Variants in DMD observed in about 807,000 individuals in gnomAD.
DMD encodes mutant dystrophin.
Under a neutral mutation model 330.1 loss-of-function variants are expected in DMD, and 63 were observed. That is an observed-to-expected ratio of 0.19 (90% CI 0.16 to 0.24). The LOEUF is 0.24. Ranked by LOEUF, DMD falls within the 10% of genes least tolerant of loss-of-function variation. The pLI is 1.00. For synonymous variants in DMD, 1,223 were observed against 959.8 expected (o/e 1.27, Z -5.07); for missense variants, 3,344 against 2,684.1 (o/e 1.25, Z -5.43).
intron 52 of DMD, among the ~76,000 whole-genome samples, chrX:31,687,974 TC>T (rs1368432326): frequency 9.0e-6 from 1 of 111,315 alleles, no homozygotes; most frequent in African/African-American, 3.3e-5. Context: ...CAACTTTCTA[TC>T]CCTATCTCTT....
intron 59 of DMD, among the ~76,000 whole-genome samples, chrX:31,451,280 C>CTT (rs58331900): frequency 1.9e-5 from 1 of 53,120 alleles, no homozygotes; most frequent in African/African-American, 7.1e-5. Context: ...CCTTTCTTTC[C>CTT]TTTTTTTTTT....
At chrX:32,466,714 T>C (rs1378749178) in intron 23 of DMD, among the ~76,000 whole-genome samples, 1 of 110,960 alleles carries the variant, frequency 9.0e-6, no homozygotes, top group Non-Finnish European at 1.9e-5. Context: ...AAATTGACAC[T>C]AGATGATGTT....
At chrX:33,178,720 G>T (rs191471182) in intron 1 of DMD, among the ~76,000 whole-genome samples, 17 of 112,549 alleles carry the variant, frequency 1.5e-4, no homozygotes, top group African/African-American at 5.2e-4. Context: ...AATTAAATTG[G>T]ACTGCTCTGC....
intron 55 of DMD, among the ~76,000 whole-genome samples, chrX:31,600,967 T>C (rs1355834074): frequency 9.1e-6 from 1 of 110,438 alleles, no homozygotes; most frequent in East Asian, 2.8e-4. Context: ...TAGTGCCTTG[T>C]AAATAAAGAC....
intron 57 of DMD, among the ~76,000 whole-genome samples, chrX:31,483,198 C>A (rs748717579): frequency 1.1e-4 from 12 of 108,538 alleles, no homozygotes; most frequent in South Asian, 8.3e-4. Context: ...AGGCGCCCGC[C>A]ACCACGCCCA....
At chrX:32,924,742 G>A (rs73219755) in intron 2 of DMD, among the ~76,000 whole-genome samples, 1,350 of 111,034 alleles carry the variant, frequency 0.012, 9 homozygotes, top group South Asian at 0.038. Context: ...TCTGATGAGT[G>A]GATATGAATA....
chrX:32,758,396 C>A (rs1309018933), intron 7 of DMD, among the ~76,000 whole-genome samples: 1 of 111,532 alleles, frequency 9.0e-6, no homozygotes, highest in Non-Finnish European at 1.9e-5. Context: ...CTCCTCCCTG[C>A]GTGTTGCTAC....
chrX:31,798,499 A>G (rs186821853), intron 50 of DMD, among the ~76,000 whole-genome samples: 30 of 110,446 alleles, frequency 2.7e-4, no homozygotes, highest in Admixed American at 2.4e-3. Context: ...ATAAAGAGGA[A>G]TAAACCCTAA....
intron 50 of DMD, among the ~76,000 whole-genome samples, chrX:31,814,017 C>T (rs746820073): frequency 2.7e-5 from 3 of 110,802 alleles, no homozygotes; most frequent in African/African-American, 6.6e-5. Context: ...TATCTAGTAT[C>T]GGTCCTTTGC....
At chrX:32,167,222 G>A (rs190030855) in intron 44 of DMD, among the ~76,000 whole-genome samples, 201 of 112,590 alleles carry the variant, frequency 1.8e-3, no homozygotes, top group Non-Finnish European at 3.1e-3. Flanking sequence ...ACGAGCTGAA[G>A]TATAGTGTAA....
rs754368289 is a variant in DMD, at chrX:32,910,537, C to T, written c.94-60717G>A. The stretch of plus-strand genomic sequence containing the variant: ...TCCGCCTCCCAATTCTCCTGCCAAG[C>T]GATTCTCCTGCCTCAGCCTCCTGAG... On this transcript the variant is annotated intron_variant, in intron 2 of 78. Transcript: ENST00000357033. Among the ~76,000 whole-genome samples the T allele has an allele frequency of 1.1e-3, 122 of 110,985 alleles. 1 individual carries two copies. The highest frequency in any genetic ancestry group is 3.8e-3 in the African/African-American group (117 of 30,545).
chrX:32,836,363 T>C (rs902739953), intron 4 of DMD, among the ~76,000 whole-genome samples: 1 of 111,114 alleles, frequency 9.0e-6, no homozygotes, highest in Non-Finnish European at 1.9e-5. Flanking sequence ...AACATATATG[T>C]ATTTCTGTGT....
chrX:33,137,113 G>T (rs919113299), intron 1 of DMD, among the ~76,000 whole-genome samples: 10 of 110,533 alleles, frequency 9.0e-5, no homozygotes, highest in African/African-American at 3.0e-4. Flanking sequence ...GTTATGGAGG[G>T]AGATCGTCCC....
At chrX:32,463,942 C>T (rs1343024917) in intron 24 of DMD, among the ~76,000 whole-genome samples, 2 of 111,621 alleles carry the variant, frequency 1.8e-5, no homozygotes, top group African/African-American at 3.3e-5. Flanking sequence ...CAGGATACTG[C>T]AGAAATTGTT....
chrX:33,327,480 T>G (rs1487324028), intron 1 of DMD, among the ~76,000 whole-genome samples: 2 of 111,983 alleles, frequency 1.8e-5, no homozygotes, highest in Non-Finnish European at 3.8e-5. Context: ...CTCTGGATAT[T>G]AACTCACCTA....
At chrX:31,706,036 T>C (rs1180668113) in intron 52 of DMD, among the ~76,000 whole-genome samples, 1 of 110,881 alleles carries the variant, frequency 9.0e-6, no homozygotes, top group Non-Finnish European at 1.9e-5. Context: ...CGAAGCAAAG[T>C]GAACCTCTTG....
At chrX:31,529,233 A>AG (rs1335257203) in intron 55 of DMD, among the ~76,000 whole-genome samples, 1 of 107,502 alleles carries the variant, frequency 9.3e-6, no homozygotes, top group Admixed American at 1.0e-4. Flanking sequence ...AAAAAAAAAA[A>AG]AATTAGGTGG....
intron 59 of DMD, among the ~76,000 whole-genome samples, chrX:31,448,974 A>G (rs753187063): frequency 1.8e-5 from 2 of 112,583 alleles, no homozygotes; most frequent in East Asian, 5.5e-4. Context: ...ATTTAAAATT[A>G]TAGTCATCTA....
At chrX:32,502,449 G>C in intron 18 of DMD, among the ~76,000 whole-genome samples, 1 of 111,467 alleles carries the variant, frequency 9.0e-6, no homozygotes, top group East Asian at 2.8e-4. Context: ...TCCCTTAAGA[G>C]TTACATTTTG....
Sources: allele counts gnomAD v4.1 joint callset (sites outside exome capture counted in the v4.1 genomes callset), GRCh38; gene constraint gnomAD v4.1.1; transcripts MANE v1.5; gene names NCBI Gene and HGNC (gene_info 2026-07-23, HGNC 2026-07-21).